VWDE: variants seen among roughly 807,000 people sequenced by gnomAD.
The protein encoded by VWDE is von Willebrand factor D and EGF domain-containing protein.
A neutral mutation model predicts 178.4 loss-of-function variants in VWDE; 207 were observed. That is an observed-to-expected ratio of 1.16 (90% CI 1.04 to 1.30). VWDE has a LOEUF of 1.30. Among genes scored for constraint, VWDE ranks in the 50% most tolerant of loss-of-function variants. The pLI is 0.00. For missense variants in VWDE, 2,287 were observed against 1,901.3 expected (o/e 1.20, Z -3.77); for synonymous variants, 738 against 651.4 (o/e 1.13, Z -2.02).
chr7:12,337,792 G>C (rs1781123259), intron 24 of VWDE, among the ~76,000 whole-genome samples: 1 of 152,004 alleles, frequency 6.6e-6, no homozygotes, highest in South Asian at 2.1e-4. Context: ...TAAATCCTTG[G>C]TTTTGTTAAG....
chr7:12,349,102 G>A (rs2128549291), intron 19 of VWDE, among the ~76,000 whole-genome samples: 1 of 152,258 alleles, frequency 6.6e-6, no homozygotes, highest in South Asian at 2.1e-4. Flanking sequence ...GGGAGGGATA[G>A]CATTGGGAGA....
chr7:12,354,950 G>T (rs1321000782), intron 18 of VWDE, among the ~76,000 whole-genome samples: 2 of 152,156 alleles, frequency 1.3e-5, no homozygotes, highest in African/African-American at 4.8e-5. Flanking sequence ...TTTTTGAGTT[G>T]ATGTGGTGCT....
chr7:12,403,547 C>A, intron 1 of VWDE, 112 bp downstream of exon 1: 1 of 1,025,460 alleles, frequency 9.8e-7, no homozygotes, highest in Non-Finnish European at 1.4e-6. Flanking sequence ...TCGCTTGCTG[C>A]CTTAAAACGC....
At chr7:12,340,207 A>T in intron 24 of VWDE, 115 bp downstream of exon 24, 2 of 769,088 alleles carry the variant, frequency 2.6e-6, no homozygotes, top group South Asian at 4.0e-5. Context: ...CATCGCAAGA[A>T]TTCTGGGGAA....
Position 12,356,155 on chromosome 7 carries a change from C to T in VWDE, c.3701G>A (p.Ser1234Asn). ...ATCACAGGAATAACTGTGAAAACCA[C>T]TAATATAGCTGCCAAGACCACAAGG... ...SNPCGLGSYI[S>N]GFHSYSCDCP... The change falls in exon 18 of 29, where the codon AGT becomes AAT. Residue 1234 changes from serine to asparagine, a missense_variant. Physicochemically the swap from Ser to Asn is conservative, Grantham distance 46 (BLOSUM62 1). Transcript: ENST00000275358. 1 of 1,551,490 alleles carries T rather than the reference C, an allele frequency of 6.4e-7. No homozygotes were observed. The highest frequency in any genetic ancestry group is 8.7e-7 in the Non-Finnish European group (1 of 1,146,978).
chr7:12,331,419 C>T (rs970322601), intron 28 of VWDE, among the ~76,000 whole-genome samples: 1 of 152,134 alleles, frequency 6.6e-6, no homozygotes, highest in Non-Finnish European at 1.5e-5. Flanking sequence ...CTAGGTGATT[C>T]CATCGTGGCA....
At chr7:12,342,679 GATT>G (rs991198808) in intron 22 of VWDE, among the ~76,000 whole-genome samples, 26 of 149,516 alleles carry the variant, frequency 1.7e-4, no homozygotes, top group South Asian at 6.3e-4. Context: ...CTATTATTAT[GATT>G]ATTATTATTA....
rs1335708351 is a variant in VWDE at position 12,379,507 on chromosome 7, G to A, written c.849C>T (p.Ile283=). The change falls in exon 6 of 29, where the codon ATC becomes ATT. Residue 283 remains isoleucine, a synonymous_variant. Coordinates refer to ENST00000275358, the MANE Select transcript of VWDE (RefSeq NM_001135924.3). The stretch of plus-strand genomic sequence containing the variant: ...AGCCTGCAAAAAATTCTTGGCTTTC[G>A]ATGGCTACACTTTGTACATGAGGAT... ...LENPHVQSVA[I]ESQEFFAGFK... The A allele has an allele frequency of 3.9e-6, 6 of 1,549,674 alleles. No homozygotes were observed. The highest frequency in any genetic ancestry group is 1.4e-5 in the African/African-American group (1 of 72,944).
rs1269174673 is a variant in VWDE, at chr7:12,393,582, G to A, written c.243+12C>T. On this transcript the variant is annotated intron_variant, in intron 2 of 28. Transcript: ENST00000275358. ...AGGAAAATAACATGCAGTACTTAGG[G>A]AGTTGACATACCTCAACACATTTGG... The A allele has an allele frequency of 2.0e-6, 3 of 1,529,950 alleles. No individual in the cohort carries two copies. The highest frequency in any genetic ancestry group is 1.2e-5 in the South Asian group (1 of 80,264). 94.8% of individuals were successfully genotyped at this position (1,529,950 alleles called of 1,614,324 possible).
At chr7:12,374,072 A>C (rs1440392953) in intron 9 of VWDE, among the ~76,000 whole-genome samples, 2 of 152,148 alleles carry the variant, frequency 1.3e-5, no homozygotes, top group African/African-American at 4.8e-5. Context: ...ACACTAAGAC[A>C]TTCTTATCAT....
intron 22 of VWDE, among the ~76,000 whole-genome samples, chr7:12,342,375 C>A (rs1379551117): frequency 1.3e-5 from 2 of 151,928 alleles, no homozygotes; most frequent in African/African-American, 2.4e-5. Context: ...AAATAGAAAA[C>A]CATTGAGCCA....
intron 10 of VWDE, 102 bp from the exon 11 acceptor site, chr7:12,370,966 T>G: frequency 1.1e-6 from 1 of 895,636 alleles, no homozygotes; most frequent in African/African-American, 1.7e-5. Context: ...AGTTATTCCC[T>G]CAATATAAAA....
At chr7:12,356,494 A>G (rs952808277) in intron 17 of VWDE, among the ~76,000 whole-genome samples, 164 bp from the exon 18 acceptor site, 1 of 152,216 alleles carries the variant, frequency 6.6e-6, no homozygotes, top group African/African-American at 2.4e-5. Context: ...AAATTGTATT[A>G]AAAATAGTTT....
At chr7:12,339,065 G>C (rs528462488) in intron 24 of VWDE, among the ~76,000 whole-genome samples, 69 of 152,174 alleles carry the variant, frequency 4.5e-4, no homozygotes, top group African/African-American at 1.5e-3. Flanking sequence ...TTGAAAGCCA[G>C]AAAGTCTGAG....
Position 12,356,091 on chromosome 7 carries a change from T to C in VWDE, c.3745+20A>G. The C allele has an allele frequency of 6.5e-7, 1 of 1,545,882 alleles. No individual in the cohort carries two copies. Among genetic ancestry groups the C allele is most frequent in the African/African-American group, 1.4e-5 (1 of 72,966 alleles). On this transcript the variant is annotated intron_variant, in intron 18 of 28. Transcript: ENST00000275358. ...CAAGGAGCTTTTCTTTCTAATTTGT[T>C]ATGAGGAGCAAAATCTTACCTTTGA...
intron 15 of VWDE, 44 bp from the exon 16 acceptor site, chr7:12,359,736 G>T: frequency 1.6e-6 from 2 of 1,223,386 alleles, no homozygotes; most frequent in South Asian, 1.5e-5. Flanking sequence ...AGTACAGCGT[G>T]TAGAAAAAAA....
At chr7:12,356,063 T>A in intron 18 of VWDE, 48 bp downstream of exon 18, 1 of 1,474,512 alleles carries the variant, frequency 6.8e-7, no homozygotes, top group South Asian at 1.2e-5. Flanking sequence ...TAGATATGTG[T>A]TTCAAGGAGC....
rs1178408252 is a variant in VWDE at position 12,337,056 on chromosome 7, C to G, written c.4490G>C (p.Gly1497Ala). 2.6e-6 allele frequency: 4 copies of G among 1,551,614 alleles called. No homozygotes were observed. Among genetic ancestry groups the G allele is most frequent in the Non-Finnish European group, 2.6e-6 (3 of 1,146,930 alleles). The change falls in exon 26 of 29, where the codon GGA becomes GCA. Residue 1497 changes from glycine to alanine, a missense_variant. Coordinates refer to ENST00000275358, the MANE Select transcript of VWDE (RefSeq NM_001135924.3). ...KSICDPTCMN[G>A]GKCVGPSTCS... ...AGTGCTTGGTCCCACACATTTTCCT[C>G]CATTCATGCACGTAGGATCACAGAT...
intron 27 of VWDE, 112 bp from the exon 28 acceptor site, chr7:12,333,680 G>A: frequency 1.4e-6 from 1 of 689,724 alleles, no homozygotes; most frequent in South Asian, 1.8e-5. Context: ...GCAGTCATAA[G>A]AATCTATTAA....
Sources: gnomAD v4.1 joint callset for allele counts (sites outside exome capture counted in the v4.1 genomes callset) on GRCh38, gnomAD v4.1.1 for gene constraint, MANE v1.5 for transcripts, NCBI Gene and HGNC (gene_info 2026-07-23, HGNC 2026-07-21) for gene names.